SGPP2: variants seen among roughly 807,000 people sequenced by gnomAD.
SGPP2 encodes the protein sphingosine-1-phosphate phosphatase 2.
A neutral mutation model predicts 33.9 loss-of-function variants in SGPP2; 30 were observed. The observed-to-expected ratio is 0.89, with a 90% CI of 0.66 to 1.20. The LOEUF (loss-of-function observed/expected upper bound fraction) is 1.20. SGPP2 is among the 50% of genes most tolerant of loss of function. The pLI, the probability that SGPP2 is intolerant of heterozygous loss-of-function variation, is 0.00. For synonymous variants in SGPP2, 233 were observed against 225.0 expected, an observed-to-expected ratio of 1.04 and a Z score of -0.32; for missense variants, 458 against 532.1, an observed-to-expected ratio of 0.86 and a Z score of 1.37.
intron 1 of SGPP2, among the ~76,000 whole-genome samples, chr2:222,455,150 G>C (rs926884483): frequency 6.6e-6 from 1 of 151,730 alleles, no homozygotes; most frequent in African/African-American, 2.4e-5. Context: ...CGGGAGGATT[G>C]CTTGACCCCA....
At chr2:222,458,800 C>T (rs1161062519) in intron 1 of SGPP2, among the ~76,000 whole-genome samples, 2 of 152,192 alleles carry the variant, frequency 1.3e-5, no homozygotes, top group Non-Finnish European at 2.9e-5. Flanking sequence ...CCTCACCTCA[C>T]CCCCAGCCCA....
intron 1 of SGPP2, among the ~76,000 whole-genome samples, chr2:222,436,798 A>G (rs1160573043): frequency 6.6e-6 from 1 of 152,214 alleles, no homozygotes; most frequent in East Asian, 1.9e-4. Context: ...GAAGAGGTCC[A>G]ATATAATCAA....
At chr2:222,431,879 C>G (rs909782178) in intron 1 of SGPP2, among the ~76,000 whole-genome samples, 21 of 152,202 alleles carry the variant, frequency 1.4e-4, no homozygotes, top group Non-Finnish European at 1.5e-5. Context: ...AGCTTGGGAG[C>G]TGGCTGAAGC....
At chr2:222,497,338 C>T (rs574285161) in intron 2 of SGPP2, among the ~76,000 whole-genome samples, 5 of 151,186 alleles carry the variant, frequency 3.3e-5, no homozygotes, top group African/African-American at 9.7e-5. Flanking sequence ...CTGCAACCTC[C>T]GCCTCCCAGG....
chr2:222,484,587 T>G (rs1427522418), intron 2 of SGPP2, among the ~76,000 whole-genome samples: 1 of 152,212 alleles, frequency 6.6e-6, no homozygotes, highest in East Asian at 1.9e-4. Context: ...TTTGGACTTA[T>G]GCCAGCTGTA....
rs993955664 is a variant in SGPP2 at position 222,561,419 on chromosome 2, A to G, written c.*2521A>G. Among the ~76,000 whole-genome samples the G allele has an allele frequency of 2.0e-5, 3 of 152,060 alleles. No individual in the cohort carries two copies. Among genetic ancestry groups the G allele is most frequent in the African/African-American group, 7.2e-5 (3 of 41,420 alleles). ...AAATAATTGTGGTTGACTTGTCTGA[A>G]GCCAGCTGACAAAAGGATCAGCTTT... On this transcript the variant is annotated 3_prime_UTR_variant, in exon 5 of 5. Transcript: ENST00000321276.
At chr2:222,471,893 T>C (rs1281898177) in intron 1 of SGPP2, among the ~76,000 whole-genome samples, 1 of 152,232 alleles carries the variant, frequency 6.6e-6, no homozygotes, top group Non-Finnish European at 1.5e-5. Context: ...GACCATGTTA[T>C]TGTTTTTTAA....
intron 2 of SGPP2, among the ~76,000 whole-genome samples, chr2:222,490,597 CTGGCTAATTTTTTTTTT>C (rs1425139922): frequency 1.5e-5 from 2 of 132,318 alleles, no homozygotes; most frequent in East Asian, 7.2e-4. Flanking sequence ...GCCAACACAC[CTGGCTAATTTTTTTTTT>C]TTTTTTTTTT....
At chr2:222,536,636 C>T (rs574748797) in intron 4 of SGPP2, among the ~76,000 whole-genome samples, 49 of 152,088 alleles carry the variant, frequency 3.2e-4, no homozygotes, top group African/African-American at 9.4e-4. Flanking sequence ...GCTGAGATCG[C>T]GCCACTGCAC....
intron 4 of SGPP2, among the ~76,000 whole-genome samples, chr2:222,556,431 T>TC (rs1309687843): frequency 1.4e-5 from 2 of 143,134 alleles, no homozygotes; most frequent in Non-Finnish European, 3.1e-5. Flanking sequence ...AAAGGCAGTC[T>TC]CCCCCCAACC....
intron 1 of SGPP2, 100 bp from the exon 2 acceptor site, chr2:222,474,468 A>T: frequency 9.9e-7 from 1 of 1,009,420 alleles, no homozygotes; most frequent in Middle Eastern, 3.2e-4. Flanking sequence ...GGGAGAGGAG[A>T]CAGCGTCTTG....
chr2:222,502,544 T>C (rs77694419), intron 2 of SGPP2, among the ~76,000 whole-genome samples: 1,928 of 152,350 alleles, frequency 0.013, 56 homozygotes, highest in African/African-American at 0.045. Flanking sequence ...TTAAATGTCA[T>C]GTCAACATTC....
chr2:222,480,136 C>A (rs1023117839), intron 2 of SGPP2, among the ~76,000 whole-genome samples: 3 of 152,014 alleles, frequency 2.0e-5, no homozygotes. Flanking sequence ...GGTGACAGAC[C>A]TAACAAAAAA....
chr2:222,466,321 C>CAATCTCGG (rs920285568), intron 1 of SGPP2, among the ~76,000 whole-genome samples: 5 of 146,238 alleles, frequency 3.4e-5, no homozygotes, highest in African/African-American at 1.0e-4. Context: ...TGCAGTGGCG[C>CAATCTCGG]AATCTCGGCT....
chr2:222,496,449 C>T (rs1431452291), intron 2 of SGPP2, among the ~76,000 whole-genome samples: 1 of 152,194 alleles, frequency 6.6e-6, no homozygotes, highest in Non-Finnish European at 1.5e-5. Context: ...CTTTATTTTG[C>T]ACTATTGCAG....
chr2:222,554,810 G>C (rs12614577), intron 4 of SGPP2, among the ~76,000 whole-genome samples: 104,915 of 151,448 alleles, frequency 0.69, 36,967 homozygotes, highest in Middle Eastern at 0.83. Flanking sequence ...ACAAAAGAGA[G>C]CACCAGCTTT....
intron 2 of SGPP2, among the ~76,000 whole-genome samples, chr2:222,489,027 C>CAGCA (rs1448988301): frequency 6.6e-6 from 1 of 152,140 alleles, no homozygotes; most frequent in Non-Finnish European, 1.5e-5. Context: ...AAGTTGCGAG[C>CAGCA]AGCAGTAAGC....
intron 1 of SGPP2, among the ~76,000 whole-genome samples, chr2:222,457,970 A>C (rs375693372): frequency 6.6e-6 from 1 of 152,202 alleles, no homozygotes; most frequent in East Asian, 1.9e-4. Context: ...GGGGGCCTAA[A>C]TCAGAAAGTC....
intron 1 of SGPP2, among the ~76,000 whole-genome samples, chr2:222,448,784 A>G (rs1697435676): frequency 6.6e-6 from 1 of 152,216 alleles, no homozygotes; most frequent in African/African-American, 2.4e-5. Context: ...GAAGCACAGC[A>G]TGCTCAAAAT....
Sources: gnomAD v4.1 joint callset for allele counts (sites outside exome capture counted in the v4.1 genomes callset) on GRCh38, gnomAD v4.1.1 for gene constraint, MANE v1.5 for transcripts, NCBI Gene and HGNC (gene_info 2026-07-23, HGNC 2026-07-21) for gene names.